CPQ: variants seen among roughly 807,000 people sequenced by gnomAD.
CPQ encodes the protein Ser-Met dipeptidase.
In CPQ, 37 loss-of-function variants were observed where a neutral mutation model predicts 45.7. The observed-to-expected ratio is 0.81, with a 90% CI of 0.62 to 1.07. The LOEUF is 1.07. Ranked by LOEUF, CPQ falls within the 50% of genes least tolerant of loss-of-function variation. CPQ has a pLI of 0.00. For missense variants in CPQ, 537 were observed against 572.9 expected, an observed-to-expected ratio of 0.94 and a Z score of 0.64; for synonymous variants, 186 against 205.8, an observed-to-expected ratio of 0.90 and a Z score of 0.82.
intron 5 of CPQ, among the ~76,000 whole-genome samples, chr8:96,994,692 G>A (rs1214574318): frequency 6.6e-6 from 1 of 151,982 alleles, no homozygotes; most frequent in African/African-American, 2.4e-5. Flanking sequence ...CAATTATTAG[G>A]TGATGACATG....
intron 7 of CPQ, among the ~76,000 whole-genome samples, chr8:97,112,392 A>ACTGAC (rs1382285935): frequency 6.6e-6 from 1 of 152,180 alleles, no homozygotes; most frequent in Admixed American, 6.5e-5. Flanking sequence ...TCAGAGAAGA[A>ACTGAC]CTGACCCATA....
intron 7 of CPQ, among the ~76,000 whole-genome samples, chr8:97,083,855 TC>T (rs1426298423): frequency 2.0e-5 from 3 of 152,134 alleles, no homozygotes; most frequent in Non-Finnish European, 4.4e-5. Context: ...ATAGTATGTA[TC>T]CCAAAATATA....
chr8:96,665,860 A>T (rs528048626), intron 1 of CPQ, among the ~76,000 whole-genome samples: 1 of 152,204 alleles, frequency 6.6e-6, no homozygotes. Context: ...TATTTGCAAC[A>T]TCCATATATT....
Position 97,143,072 on chromosome 8 carries a change from C to T in CPQ, c.1308C>T (p.His436=), listed in dbSNP as rs376402473. 1.4e-5 allele frequency: 22 copies of T among 1,613,998 alleles called. No homozygotes were observed. Among genetic ancestry groups the T allele is most frequent in the Non-Finnish European group, 1.7e-5 (20 of 1,179,894 alleles). ...AGTATTTCTTCTTCCATCACTCCCACGGAGACACCATGACTGTCATGGATC... is the reference window on the plus strand; with the variant it reads ...AGTATTTCTTCTTCCATCACTCCCATGGAGACACCATGACTGTCATGGATC... ...LYKYFFFHHS[H]GDTMTVMDPK... The change falls in exon 8 of 8, where the codon CAC becomes CAT. Residue 436 remains histidine, a synonymous_variant. Transcript: ENST00000220763.
chr8:96,930,618 G>A (rs1387574176), intron 4 of CPQ, among the ~76,000 whole-genome samples: 3 of 152,124 alleles, frequency 2.0e-5, no homozygotes, highest in East Asian at 1.9e-4. Flanking sequence ...GAAAGACTTC[G>A]TTCCTCTTCT....
At chr8:96,853,338 GA>G (rs1361483208) in intron 3 of CPQ, among the ~76,000 whole-genome samples, 2 of 152,178 alleles carry the variant, frequency 1.3e-5, no homozygotes, top group African/African-American at 4.8e-5. Flanking sequence ...AACATATTCT[GA>G]GAACAGGAAG....
rs549922338 is a variant in CPQ at position 96,827,307 on chromosome 8, A to T, written c.434-7666A>T. Among the ~76,000 whole-genome samples, 22 of 151,908 alleles carry T rather than the reference A, an allele frequency of 1.4e-4. No homozygotes were observed. In the South Asian group the frequency reaches 4.6e-3, roughly 32 times the overall value. On this transcript the variant is annotated intron_variant, in intron 2 of 7. Transcript: ENST00000220763. ...AAAAACTCCCTTCCTTGGTTCTCTCATCCACCCCTCCATCACTTCCTCTGT... is the reference window on the plus strand; with the variant it reads ...AAAAACTCCCTTCCTTGGTTCTCTCTTCCACCCCTCCATCACTTCCTCTGT...
At chr8:96,861,010 G>T (rs994256199) in intron 3 of CPQ, among the ~76,000 whole-genome samples, 4 of 152,118 alleles carry the variant, frequency 2.6e-5, no homozygotes, top group African/African-American at 4.8e-5. Context: ...CGGAGGAAGG[G>T]TCAGAAATAA....
chr8:97,048,762 T>C (rs1400349599), intron 6 of CPQ, among the ~76,000 whole-genome samples: 1 of 152,208 alleles, frequency 6.6e-6, no homozygotes, highest in East Asian at 1.9e-4. Context: ...ATGAAGGACA[T>C]ATTCAAAAAT....
At chr8:96,750,696 G>T (rs902622986) in intron 1 of CPQ, among the ~76,000 whole-genome samples, 1 of 150,282 alleles carries the variant, frequency 6.7e-6, no homozygotes, top group Non-Finnish European at 1.5e-5. Flanking sequence ...AGGTAAACAT[G>T]TGCCATGGTG....
At chr8:97,120,962 CT>C (rs962538376) in intron 7 of CPQ, among the ~76,000 whole-genome samples, 1 of 152,110 alleles carries the variant, frequency 6.6e-6, no homozygotes, top group Non-Finnish European at 1.5e-5. Context: ...AAGCTAAAAC[CT>C]AAAAGGTAAG....
intron 7 of CPQ, among the ~76,000 whole-genome samples, chr8:97,090,528 A>T (rs1229886224): frequency 6.6e-6 from 1 of 152,172 alleles, no homozygotes; most frequent in Non-Finnish European, 1.5e-5. Flanking sequence ...CTATAAAGAC[A>T]TTGAGATACC....
At chr8:96,926,268 C>T (rs1812872279) in intron 4 of CPQ, among the ~76,000 whole-genome samples, 1 of 152,204 alleles carries the variant, frequency 6.6e-6, no homozygotes, top group Non-Finnish European at 1.5e-5. Flanking sequence ...CCCAGTGCAG[C>T]CTTGCCCATC....
At chr8:96,645,809 G>A (rs1225996885) in intron 1 of CPQ, among the ~76,000 whole-genome samples, 1 of 151,016 alleles carries the variant, frequency 6.6e-6, no homozygotes, top group Non-Finnish European at 1.5e-5. Context: ...CCTCCAATAT[G>A]CCTTATGCAG....
chr8:97,002,087 T>C (rs1315194406), intron 5 of CPQ, among the ~76,000 whole-genome samples: 1 of 152,144 alleles, frequency 6.6e-6, no homozygotes, highest in African/African-American at 2.4e-5. Flanking sequence ...TGGTTGTTTG[T>C]ATTTCTGTGG....
chr8:96,698,792 C>G (rs1453459078), intron 1 of CPQ, among the ~76,000 whole-genome samples: 1 of 151,986 alleles, frequency 6.6e-6, no homozygotes, highest in African/African-American at 2.4e-5. Flanking sequence ...ATCATCTCAC[C>G]CCAGTTACAA....
chr8:96,840,785 G>A (rs1811595313), intron 3 of CPQ, among the ~76,000 whole-genome samples: 1 of 152,222 alleles, frequency 6.6e-6, no homozygotes, highest in African/African-American at 2.4e-5. Flanking sequence ...AAGGGGGAAG[G>A]AGTAGGGGTC....
chr8:97,069,457 C>A (rs1197312152), intron 7 of CPQ, among the ~76,000 whole-genome samples: 9 of 149,974 alleles, frequency 6.0e-5, no homozygotes, highest in Admixed American at 5.3e-4. Context: ...ACAGCAAGAC[C>A]CCCATCTGTC....
intron 3 of CPQ, among the ~76,000 whole-genome samples, chr8:96,860,422 C>G (rs1017024984): frequency 6.6e-6 from 1 of 152,110 alleles, no homozygotes; most frequent in African/African-American, 2.4e-5. Flanking sequence ...GGCAATTTTC[C>G]CATGTGCTTA....
Sources: allele counts gnomAD v4.1 joint callset (sites outside exome capture counted in the v4.1 genomes callset), GRCh38; gene constraint gnomAD v4.1.1; transcripts MANE v1.5; gene names NCBI Gene and HGNC (gene_info 2026-07-23, HGNC 2026-07-21).